Variants in SUGP1 observed in about 807,000 individuals in gnomAD.
SUGP1 encodes the protein SURP and G-patch domain-containing protein 1.
A neutral mutation model predicts 76.5 loss-of-function variants in SUGP1; 34 were observed. The ratio of observed to expected loss-of-function variants is 0.44; its 90% CI spans 0.34 to 0.59. The LOEUF is 0.59. SUGP1 is among the 20% of genes least tolerant of loss of function. The pLI is 0.01. For missense variants in SUGP1, 752 were observed against 851.7 expected (o/e 0.88, Z 1.46); for synonymous variants, 326 against 326.2 (o/e 1.00, Z 0.01).
At chr19:19,277,261 G>GGC (rs2061059478) in intron 12 of SUGP1, among the ~76,000 whole-genome samples, 185 bp from the exon 13 acceptor site, 3 of 150,902 alleles carry the variant, frequency 2.0e-5, no homozygotes, top group South Asian at 4.2e-4. Flanking sequence ...CGGGGGGGGG[G>GGC]GGCCTAGGCC....
chr19:19,278,631 C>G, intron 11 of SUGP1, 59 bp downstream of exon 11: 1 of 1,471,546 alleles, frequency 6.8e-7, no homozygotes, highest in Non-Finnish European at 9.4e-7. Context: ...CAGGGTGAGG[C>G]AGCTACAGGA....
intron 3 of SUGP1, among the ~76,000 whole-genome samples, chr19:19,309,867 G>A (rs547384712): frequency 1.3e-5 from 2 of 152,284 alleles, no homozygotes; most frequent in African/African-American, 2.4e-5. Context: ...AGCCGAGATC[G>A]CGCCACCGCA....
chr19:19,309,158 C>G (rs1019840372), intron 3 of SUGP1, among the ~76,000 whole-genome samples: 1 of 152,014 alleles, frequency 6.6e-6, no homozygotes, highest in African/African-American at 2.4e-5. Context: ...TGAGCCACTG[C>G]GCCCAGCCTG....
intron 8 of SUGP1, among the ~76,000 whole-genome samples, chr19:19,290,634 A>T (rs1028460675): frequency 2.6e-5 from 4 of 151,482 alleles, no homozygotes; most frequent in African/African-American, 9.7e-5. Flanking sequence ...AAAGAGCAAG[A>T]CTCTGTCTCA....
chr19:19,281,090 T>C (rs948103221), intron 8 of SUGP1: 2 of 152,326 alleles, frequency 1.3e-5, no homozygotes, highest in African/African-American at 4.8e-5. Context: ...CACTGAGGGA[T>C]GTGGGGGAGC....
intron 10 of SUGP1, 111 bp from the exon 11 acceptor site, chr19:19,278,907 G>C: frequency 8.7e-7 from 1 of 1,150,262 alleles, no homozygotes; most frequent in Non-Finnish European, 1.3e-6. Flanking sequence ...GGGGCCCCCA[G>C]GGAAGGAGGC....
At chr19:19,296,484 A>C (rs2061226321) in intron 8 of SUGP1, among the ~76,000 whole-genome samples, 1 of 151,856 alleles carries the variant, frequency 6.6e-6, no homozygotes, top group Non-Finnish European at 1.5e-5. Context: ...ATCTCTATTA[A>C]AAAATACAAA....
intron 7 of SUGP1, among the ~76,000 whole-genome samples, chr19:19,301,149 G>A (rs2061268603): frequency 6.6e-6 from 1 of 152,058 alleles, no homozygotes. Context: ...TGATCCCCAG[G>A]GCCAGTCTGA....
intron 1 of SUGP1, among the ~76,000 whole-genome samples, chr19:19,319,012 G>A (rs1325397024): frequency 1.3e-5 from 2 of 152,158 alleles, no homozygotes; most frequent in East Asian, 1.9e-4. Flanking sequence ...GAGGTCAGGA[G>A]ATCGAGACCA....
chr19:19,306,804 A>C (rs1181253398), intron 3 of SUGP1, among the ~76,000 whole-genome samples: 2 of 152,174 alleles, frequency 1.3e-5, no homozygotes, highest in African/African-American at 4.8e-5. Context: ...GGCACTGACA[A>C]GGGGGCCAGG....
chr19:19,281,280 T>A (rs1244935609), intron 8 of SUGP1: 3 of 152,234 alleles, frequency 2.0e-5, no homozygotes, highest in African/African-American at 4.8e-5. Context: ...TGGAGCCTGT[T>A]CTGTCCAACT....
intron 8 of SUGP1, among the ~76,000 whole-genome samples, chr19:19,290,056 T>C (rs554195196): frequency 6.6e-6 from 1 of 152,260 alleles, no homozygotes; most frequent in South Asian, 2.1e-4. Flanking sequence ...AAGAGCAACA[T>C]GAACTTCTGC....
At chr19:19,299,366 CTTT>C (rs1297945428) in intron 7 of SUGP1, among the ~76,000 whole-genome samples, 1 of 119,890 alleles carries the variant, frequency 8.3e-6, no homozygotes, top group Non-Finnish European at 1.7e-5. Context: ...ACTGACTTTT[CTTT>C]TTTTTCTTCC....
intron 7 of SUGP1, 105 bp downstream of exon 7, chr19:19,302,160 C>T: frequency 6.5e-7 from 1 of 1,527,910 alleles, no homozygotes; most frequent in African/African-American, 1.4e-5. Context: ...CAGCTTCTCA[C>T]AGTGGGACCC....
In SUGP1 at chr19:19,313,860, G is replaced by A. The variant is rs530664174; in HGVS notation, c.206+2562C>T. On this transcript the variant is annotated intron_variant, in intron 2 of 13. Transcript: ENST00000247001. The stretch of plus-strand genomic sequence containing the variant: ...TCAACTAAAATACAAAAAAATGGCC[G>A]GGCTCAGAGACTTATGCCTGTAATC... Among the ~76,000 whole-genome samples the A allele has an allele frequency of 9.2e-5, 14 of 152,054 alleles. 1 individual carries two copies. In the South Asian group the frequency reaches 2.3e-3, roughly 25 times the overall value.
intron 7 of SUGP1, among the ~76,000 whole-genome samples, chr19:19,299,672 G>A (rs532495848): frequency 6.7e-6 from 1 of 150,316 alleles, no homozygotes; most frequent in South Asian, 2.1e-4. Context: ...ATGAGCCACC[G>A]CACCCGGCCT....
At position 19,276,475 on chromosome 19, in the gene SUGP1, T is replaced by C; in HGVS notation, c.*173A>G. Reference sequence around the variant, plus strand: ...GAGACAGCATCTTGCATCCCGCTGCTAACAGGAGGGGCTTCCTGCAACAGG... The same window carrying C: ...GAGACAGCATCTTGCATCCCGCTGCCAACAGGAGGGGCTTCCTGCAACAGG... On this transcript the variant is annotated 3_prime_UTR_variant, in exon 14 of 14. Coordinates refer to ENST00000247001, the MANE Select transcript of SUGP1 (RefSeq NM_172231.4). The C allele has an allele frequency of 1.4e-6, 1 of 729,654 alleles. No individual in the cohort carries two copies. The highest frequency in any genetic ancestry group is 2.3e-6 in the Non-Finnish European group (1 of 431,554). 45.2% of individuals were successfully genotyped at this position (729,654 alleles called of 1,614,324 possible).
At chr19:19,305,756 ATGCCCCTGGCAGCACT>A in intron 4 of SUGP1, 77 bp downstream of exon 4, 1 of 1,329,376 alleles carries the variant, frequency 7.5e-7, no homozygotes, top group Non-Finnish European at 1.0e-6. Context: ...GAAAGCACCC[ATGCCCCTGGCAGCACT>A]TGCCCTGCCC....
chr19:19,301,361 C>G (rs866724070), intron 7 of SUGP1, among the ~76,000 whole-genome samples: 6 of 152,308 alleles, frequency 3.9e-5, no homozygotes, highest in South Asian at 2.1e-4. Flanking sequence ...TCCCAGCCCC[C>G]ATGTTCCCTC....
Sources: allele counts gnomAD v4.1 joint callset (sites outside exome capture counted in the v4.1 genomes callset), GRCh38; gene constraint gnomAD v4.1.1; transcripts MANE v1.5; gene names NCBI Gene and HGNC (gene_info 2026-07-23, HGNC 2026-07-21).